Variants in PDE4D observed in about 807,000 individuals in gnomAD.
PDE4D encodes the protein phosphodiesterase 4D, also known as 3',5'-cyclic-AMP phosphodiesterase 4D.
A neutral mutation model predicts 87.4 loss-of-function variants in PDE4D; 24 were observed. That is an observed-to-expected ratio of 0.27 (90% CI 0.20 to 0.39). PDE4D has a LOEUF of 0.39. Among genes scored for constraint, PDE4D ranks in the 10% least tolerant of loss-of-function variants. The pLI, the probability that PDE4D is intolerant of heterozygous loss-of-function variation, is 1.00. For synonymous variants in PDE4D, 384 were observed against 383.2 expected, an observed-to-expected ratio of 1.00 and a Z score of -0.02; for missense variants, 714 against 1,041.0, an observed-to-expected ratio of 0.69 and a Z score of 4.32.
intron 3 of PDE4D, among the ~76,000 whole-genome samples, chr5:59,974,006 A>G (rs947328301): frequency 6.6e-6 from 1 of 152,212 alleles, no homozygotes; most frequent in African/African-American, 2.4e-5. Context: ...GCTATGACTT[A>G]AAGTCTGCAA....
chr5:60,481,770 A>G (rs1240666828), intron 1 of PDE4D, among the ~76,000 whole-genome samples: 1 of 152,206 alleles, frequency 6.6e-6, no homozygotes, highest in African/African-American at 2.4e-5. Context: ...ACTATAAGAC[A>G]TAAGTATTAA....
At chr5:59,612,084 A>G (rs1829074980) in intron 1 of PDE4D, among the ~76,000 whole-genome samples, 1 of 152,178 alleles carries the variant, frequency 6.6e-6, no homozygotes, top group South Asian at 2.1e-4. Flanking sequence ...GTTTTTCTTT[A>G]GAACTGCAAG....
intron 1 of PDE4D, among the ~76,000 whole-genome samples, chr5:60,411,632 T>G (rs1742053939): frequency 6.6e-6 from 1 of 152,186 alleles, no homozygotes; most frequent in South Asian, 2.1e-4. Context: ...TTCCGAATAT[T>G]TAAGTCCAAT....
chr5:60,111,022 G>A (rs1291772100), intron 2 of PDE4D, among the ~76,000 whole-genome samples: 3 of 152,002 alleles, frequency 2.0e-5, no homozygotes, highest in Admixed American at 6.6e-5. Flanking sequence ...GGAAGAGGAG[G>A]ATGGGAAGGA....
chr5:59,922,455 C>G (rs1048795126), intron 3 of PDE4D, among the ~76,000 whole-genome samples: 1 of 152,058 alleles, frequency 6.6e-6, no homozygotes, highest in Non-Finnish European at 1.5e-5. Flanking sequence ...CTTCCCTCCA[C>G]CTAAGGAGAG....
At chr5:60,043,409 A>G (rs1177281408) in intron 2 of PDE4D, among the ~76,000 whole-genome samples, 1 of 152,208 alleles carries the variant, frequency 6.6e-6, no homozygotes, top group East Asian at 1.9e-4. Flanking sequence ...CAACCCAGCA[A>G]GACAGGCCAA....
chr5:59,071,191 T>A (rs1764731141), intron 5 of PDE4D, among the ~76,000 whole-genome samples: 1 of 152,226 alleles, frequency 6.6e-6, no homozygotes, highest in Admixed American at 6.5e-5. Flanking sequence ...GATGCCCTTT[T>A]GATTTTTGAT....
chr5:60,156,403 G>A (rs1781982554), intron 2 of PDE4D, among the ~76,000 whole-genome samples: 1 of 152,224 alleles, frequency 6.6e-6, no homozygotes, highest in African/African-American at 2.4e-5. Context: ...CCCCTAGAGT[G>A]AGCTTTCCTC....
At chr5:60,252,600 G>T (rs969080284) in intron 1 of PDE4D, among the ~76,000 whole-genome samples, 1 of 151,734 alleles carries the variant, frequency 6.6e-6, no homozygotes, top group Non-Finnish European at 1.5e-5. Context: ...GGTATGGGCT[G>T]ATAATGAGAC....
chr5:58,999,538 T>G, intron 6 of PDE4D: 4 of 1,503,186 alleles, frequency 2.7e-6, no homozygotes, highest in South Asian at 2.3e-5. Flanking sequence ...TTCAGGCATT[T>G]TTGATTGATT....
intron 3 of PDE4D, among the ~76,000 whole-genome samples, chr5:59,944,287 C>T (rs545135438): frequency 1.3e-5 from 2 of 151,486 alleles, no homozygotes; most frequent in South Asian, 4.2e-4. Flanking sequence ...TGATACTTTT[C>T]CATCTGATAA....
intron 5 of PDE4D, among the ~76,000 whole-genome samples, chr5:59,101,029 C>T (rs910349312): frequency 6.6e-6 from 1 of 152,156 alleles, no homozygotes; most frequent in Non-Finnish European, 1.5e-5. Context: ...AGACCTGTGT[C>T]CTTGCTGGTT....
intron 1 of PDE4D, among the ~76,000 whole-genome samples, chr5:59,669,835 T>C (rs1256212368): frequency 6.6e-6 from 1 of 152,228 alleles, no homozygotes; most frequent in African/African-American, 2.4e-5. Flanking sequence ...CTTGAGAATG[T>C]AGAAACAATA....
intron 1 of PDE4D, among the ~76,000 whole-genome samples, chr5:59,890,607 G>T (rs1045158786): frequency 3.3e-5 from 5 of 152,144 alleles, no homozygotes; most frequent in African/African-American, 1.2e-4. Context: ...CTTCACGTTG[G>T]TTTCATGTAT....
chr5:59,805,750 A>G (rs1255101720), intron 1 of PDE4D, among the ~76,000 whole-genome samples: 1 of 152,236 alleles, frequency 6.6e-6, no homozygotes, highest in Non-Finnish European at 1.5e-5. Flanking sequence ...GACCACAGGA[A>G]TGAATGGTCA....
At chr5:60,342,239 G>T (rs1405561793) in intron 1 of PDE4D, among the ~76,000 whole-genome samples, 1 of 152,106 alleles carries the variant, frequency 6.6e-6, no homozygotes, top group African/African-American at 2.4e-5. Flanking sequence ...TGAACCAGAT[G>T]CTCTTTAAAA....
intron 1 of PDE4D, among the ~76,000 whole-genome samples, chr5:59,612,132 T>A (rs892995550): frequency 6.6e-6 from 1 of 152,172 alleles, no homozygotes; most frequent in Non-Finnish European, 1.5e-5. Flanking sequence ...TGGTTTGATA[T>A]CAGCTATTTT....
intron 1 of PDE4D, among the ~76,000 whole-genome samples, chr5:60,298,511 C>T (rs991183272): frequency 6.6e-6 from 1 of 152,164 alleles, no homozygotes; most frequent in Non-Finnish European, 1.5e-5. Flanking sequence ...TATTTGGATA[C>T]ACAAATTAGG....
chr5:59,988,340 T>G, intron 3 of PDE4D: 1 of 539,530 alleles, frequency 1.9e-6, no homozygotes, highest in South Asian at 3.2e-5. Flanking sequence ...AAATGTCACC[T>G]GAGAAATTCA....
Sources: allele counts gnomAD v4.1 joint callset (sites outside exome capture counted in the v4.1 genomes callset), GRCh38; gene constraint gnomAD v4.1.1; transcripts MANE v1.5; gene names NCBI Gene and HGNC (gene_info 2026-07-23, HGNC 2026-07-21).